SETX: variants seen among roughly 807,000 people sequenced by gnomAD.
The protein encoded by SETX is senataxin, also known as helicase senataxin.
A neutral mutation model predicts 227.2 loss-of-function variants in SETX; 90 were observed. That is an observed-to-expected ratio of 0.40 (90% CI 0.33 to 0.47). The LOEUF (loss-of-function observed/expected upper bound fraction) is 0.47, where lower values mean the gene tolerates loss of function less well. SETX is among the 20% of genes least tolerant of loss of function. SETX has a pLI of 0.91. For missense variants in SETX, 3,052 were observed against 3,181.5 expected (o/e 0.96, Z 0.98); for synonymous variants, 1,210 against 1,113.2 (o/e 1.09, Z -1.73).
At chr9:132,266,739 T>C (rs976309715) in intron 25 of SETX, among the ~76,000 whole-genome samples, 3 of 151,892 alleles carry the variant, frequency 2.0e-5, no homozygotes, top group Admixed American at 6.6e-5. Flanking sequence ...GCCACTGCAC[T>C]CCAGCCTGGG....
At chr9:132,265,233 T>TG (rs1354118645) in intron 25 of SETX, among the ~76,000 whole-genome samples, 1 of 146,830 alleles carries the variant, frequency 6.8e-6, no homozygotes, top group East Asian at 2.0e-4. Flanking sequence ...TGTTTTTTTT[T>TG]TTTTTTTTTT....
rs1408565374 is a variant in SETX at position 132,336,373 on chromosome 9, G to A, written c.641C>T (p.Ser214Phe). 3 of 1,613,974 alleles carry A rather than the reference G, an allele frequency of 1.9e-6. No homozygotes were observed. The highest frequency in any genetic ancestry group is 1.6e-4 in the Middle Eastern group (1 of 6,084). The change falls in exon 6 of 26, where the codon TCT becomes TTT. Residue 214 changes from serine (S) to phenylalanine (F), a missense_variant. Ser to Phe is a radical substitution (Grantham distance 155). Around this residue, in one of 10 missense-constraint regions of SETX, gnomAD observed 239 missense variants for 240.8 expected, o/e 0.99. Coordinates refer to ENST00000224140, the MANE Select transcript of SETX (RefSeq NM_015046.7). ...LLESPDIYTSSVLEKGKLILL... is the reference protein window; with the variant it reads ...LLESPDIYTSFVLEKGKLILL... ...AATCAGTTTACCCTTCTCTAGGACA[G>A]AAGAAGTATAAATGTCTGGACTCTC...
intron 23 of SETX, among the ~76,000 whole-genome samples, chr9:132,272,431 G>T (rs774006622): frequency 2.0e-5 from 3 of 151,244 alleles, no homozygotes; most frequent in African/African-American, 2.4e-5. Flanking sequence ...TTATAGATGT[G>T]AGCCACCATG....
At chr9:132,350,100 C>T (rs1415150270) in intron 2 of SETX, among the ~76,000 whole-genome samples, 2 of 149,218 alleles carry the variant, frequency 1.3e-5, no homozygotes, top group African/African-American at 2.5e-5. Flanking sequence ...TGCCTGTAAG[C>T]CCAGCACTTT....
In SETX at chr9:132,336,405, C is replaced by T; in HGVS notation, c.609G>A (p.Gly203=). The change falls in exon 6 of 26, where the codon GGG becomes GGA. Residue 203 remains glycine, a synonymous_variant. Transcript: ENST00000224140. ...TATAAATGTCTGGACTCTCTAAAAGCCCCAACTCAATGACTTTAAAAAGGC... is the reference window on the plus strand; with the variant it reads ...TATAAATGTCTGGACTCTCTAAAAGTCCCAACTCAATGACTTTAAAAAGGC... ...LLCLFKVIEL[G]LLESPDIYTS... The T allele has an allele frequency of 6.2e-7, 1 of 1,613,844 alleles. No homozygotes were observed. The highest frequency in any genetic ancestry group is 8.5e-7 in the Non-Finnish European group (1 of 1,179,766).
intron 7 of SETX, among the ~76,000 whole-genome samples, chr9:132,332,660 C>T (rs1031864445): frequency 1.3e-5 from 2 of 152,166 alleles, no homozygotes; most frequent in African/African-American, 4.8e-5. Flanking sequence ...GTGGCTCACA[C>T]CAGTAAATCC....
intron 25 of SETX, chr9:132,269,294 AG>A: frequency 1.5e-6 from 1 of 688,330 alleles, no homozygotes; most frequent in Non-Finnish European, 2.2e-6. Flanking sequence ...ACATTTACTG[AG>A]TGTTTACTAA....
chr9:132,282,169 G>GT (rs11422868), intron 19 of SETX, among the ~76,000 whole-genome samples: 14,799 of 151,648 alleles, frequency 0.098, 810 homozygotes, highest in South Asian at 0.15. Context: ...GGAACCAGCC[G>GT]TAAGTTCAGA....
At chr9:132,337,479 T>C (rs930833732) in intron 5 of SETX, among the ~76,000 whole-genome samples, 5 of 151,050 alleles carry the variant, frequency 3.3e-5, no homozygotes, top group South Asian at 2.1e-4. Flanking sequence ...GAGTGCATCC[T>C]TCATAGTAAA....
chr9:132,287,767 A>G lies in SETX; in HGVS notation c.6324+469T>C, dbSNP rs547262175. 2.4e-4 allele frequency among the ~76,000 whole-genome samples: 15 copies of G among 63,524 alleles called. 1 individual carries two copies. Among genetic ancestry groups the G allele is most frequent in the Admixed American group, 1.8e-3 (14 of 7,628 alleles). The allele number at this position is 63,524 out of a possible 152,430, so 41.7% of individuals were successfully genotyped here. Reference sequence around the variant, plus strand: ...AAAAAAAAATTAAAACCAAAAGGACAAAAAAAAAAAAAGCAGAAAGAAATG... The same window carrying G: ...AAAAAAAAATTAAAACCAAAAGGACGAAAAAAAAAAAAGCAGAAAGAAATG... On this transcript the variant is annotated intron_variant, in intron 17 of 25. Coordinates refer to ENST00000224140, the MANE Select transcript of SETX (RefSeq NM_015046.7).
intron 12 of SETX, among the ~76,000 whole-genome samples, chr9:132,299,949 T>G (rs971890401): frequency 3.3e-5 from 5 of 151,848 alleles, no homozygotes; most frequent in Non-Finnish European, 5.9e-5. Context: ...GTCAACATGG[T>G]GAAACCCCGT....
chr9:132,321,186 T>C (rs1846305316), intron 10 of SETX, among the ~76,000 whole-genome samples: 1 of 152,166 alleles, frequency 6.6e-6, no homozygotes, highest in Non-Finnish European at 1.5e-5. Context: ...GTGACGATTC[T>C]TTTTTGGGAA....
intron 12 of SETX, 76 bp from the exon 13 acceptor site, chr9:132,298,388 T>C (rs1844799813): frequency 8.5e-7 from 1 of 1,183,008 alleles, no homozygotes; most frequent in African/African-American, 1.5e-5. Flanking sequence ...TCATGCAGAA[T>C]TAGGTATTTT....
intron 7 of SETX, among the ~76,000 whole-genome samples, chr9:132,334,358 G>A (rs1224264759): frequency 6.6e-6 from 1 of 152,164 alleles, no homozygotes; most frequent in Admixed American, 6.5e-5. Flanking sequence ...TGAGACAGGG[G>A]AATTTCTTGA....
At chr9:132,355,663 G>A (rs1848871965), upstream of SETX, among the ~76,000 whole-genome samples, 1 of 151,992 alleles carries the variant, frequency 6.6e-6, no homozygotes, top group South Asian at 2.1e-4. Context: ...AACATAGCGA[G>A]ACACCCGTAT....
intron 11 of SETX, among the ~76,000 whole-genome samples, chr9:132,309,546 C>G (rs546218147): frequency 6.6e-6 from 1 of 152,004 alleles, no homozygotes; most frequent in Non-Finnish European, 1.5e-5. Context: ...GCTTTAAAAA[C>G]GTAAAAACCA....
At chr9:132,317,588 A>T (rs1395367131) in intron 10 of SETX, among the ~76,000 whole-genome samples, 3 of 149,126 alleles carry the variant, frequency 2.0e-5, no homozygotes, top group African/African-American at 7.4e-5. Context: ...TAAAAGTGCA[A>T]CTCCAGCTTT....
chr9:132,317,178 A>G (rs1846019976), intron 10 of SETX, among the ~76,000 whole-genome samples: 1 of 152,206 alleles, frequency 6.6e-6, no homozygotes, highest in South Asian at 2.1e-4. Context: ...ACTAGTTACT[A>G]ACAGGTGTGC....
chr9:132,300,922 T>G, intron 11 of SETX, 119 bp from the exon 12 acceptor site: 2 of 799,886 alleles, frequency 2.5e-6, no homozygotes, highest in Non-Finnish European at 3.9e-6. Context: ...ACTAAAGGAC[T>G]CTGCATATAC....
Sources: allele counts gnomAD v4.1 joint callset (sites outside exome capture counted in the v4.1 genomes callset), GRCh38; gene constraint gnomAD v4.1.1; regional missense constraint gnomAD v4.1.1; transcripts MANE v1.5; gene names NCBI Gene and HGNC (gene_info 2026-07-23, HGNC 2026-07-21).